Variants in CDH13 observed in about 807,000 individuals in gnomAD.
CDH13 encodes cadherin 13.
In CDH13, 24 loss-of-function variants were observed where a neutral mutation model predicts 63.8. The ratio of observed to expected loss-of-function variants is 0.38; its 90% CI spans 0.27 to 0.53. CDH13 has a LOEUF of 0.53. Among genes scored for constraint, CDH13 ranks in the 20% least tolerant of loss-of-function variants. The pLI is 0.85. For synonymous variants in CDH13, 503 were observed against 355.3 expected (o/e 1.42, Z -4.67); for missense variants, 1,049 against 903.1 (o/e 1.16, Z -2.07).
intron 6 of CDH13, among the ~76,000 whole-genome samples, chr16:83,472,740 A>T (rs975023269): frequency 6.6e-6 from 1 of 152,172 alleles, no homozygotes; most frequent in African/African-American, 2.4e-5. Context: ...AATGAAACAG[A>T]TTATTCATAC....
intron 1 of CDH13, among the ~76,000 whole-genome samples, chr16:82,742,878 T>A (rs953206186): frequency 2.0e-5 from 3 of 152,198 alleles, no homozygotes; most frequent in Admixed American, 2.0e-4. Flanking sequence ...ATGAGTCCAT[T>A]AAAAACAAAT....
intron 3 of CDH13, among the ~76,000 whole-genome samples, chr16:83,119,695 A>G (rs750947671): frequency 1.1e-4 from 17 of 152,206 alleles, no homozygotes; most frequent in Non-Finnish European, 2.2e-4. Context: ...GACAGATGCA[A>G]GTACACCACA....
Position 83,503,322 on chromosome 16 carries a change from G to C in CDH13, c.960+16667G>C, listed in dbSNP as rs185363411. On this transcript the variant is annotated intron_variant, in intron 7 of 13. Coordinates refer to ENST00000567109, the MANE Select transcript of CDH13 (RefSeq NM_001257.5). ...CTATGAAGCTGATTAGGAAAGCCTTGAGTTTGTACCCAAATAAATTTGCTA... is the reference window on the plus strand; with the variant it reads ...CTATGAAGCTGATTAGGAAAGCCTTCAGTTTGTACCCAAATAAATTTGCTA... 5.9e-5 allele frequency among the ~76,000 whole-genome samples: 9 copies of C among 152,300 alleles called. No homozygotes were observed. The East Asian group carries it at 1.7e-3, about 29-fold the overall frequency.
chr16:83,359,730 G>A (rs986512698), intron 6 of CDH13, among the ~76,000 whole-genome samples: 7 of 152,194 alleles, frequency 4.6e-5, no homozygotes, highest in African/African-American at 1.7e-4. Flanking sequence ...TCACAAATTT[G>A]CAATTTCAGA....
intron 6 of CDH13, among the ~76,000 whole-genome samples, chr16:83,347,298 C>G (rs1229376194): frequency 6.6e-6 from 1 of 150,498 alleles, no homozygotes; most frequent in Non-Finnish European, 1.5e-5. Context: ...CTCATAGGAT[C>G]CCATGTGTTG....
intron 7 of CDH13, among the ~76,000 whole-genome samples, chr16:83,514,430 G>T (rs1041963075): frequency 6.6e-6 from 1 of 152,220 alleles, no homozygotes; most frequent in Non-Finnish European, 1.5e-5. Flanking sequence ...GATCACCTGA[G>T]TTCAGAAGTT....
intron 8 of CDH13, among the ~76,000 whole-genome samples, chr16:83,669,840 C>A (rs575361351): frequency 9.8e-5 from 15 of 152,288 alleles, no homozygotes; most frequent in African/African-American, 3.4e-4. Flanking sequence ...TTTTTGTCAG[C>A]TTATTGGTGT....
At chr16:83,471,315 C>G (rs1223411588) in intron 6 of CDH13, among the ~76,000 whole-genome samples, 1 of 140,930 alleles carries the variant, frequency 7.1e-6, no homozygotes, top group Admixed American at 7.5e-5. Flanking sequence ...TACTCTGTCA[C>G]CCAGGCTGGA....
chr16:82,987,361 T>TTTTGTTTG lies in CDH13; in HGVS notation c.158-44633_158-44626dup, dbSNP rs200643952. 5.4e-3 allele frequency among the ~76,000 whole-genome samples: 824 copies of TTTTGTTTG among 151,976 alleles called. 1 individual carries two copies. The highest frequency in any genetic ancestry group is 0.017 in the Middle Eastern group (5 of 292). ...ATCAGCCAATTTTTGTTTTGTTTTG[T>TTTTGTTTG]TTTGTTTGTTTGTTTGTTTGTTTTT... On this transcript the variant is annotated intron_variant, in intron 2 of 13. Coordinates refer to ENST00000567109, the MANE Select transcript of CDH13 (RefSeq NM_001257.5).
intron 1 of CDH13, among the ~76,000 whole-genome samples, chr16:82,739,884 C>T (rs139529443): frequency 2.4e-4 from 37 of 152,260 alleles, no homozygotes; most frequent in African/African-American, 7.5e-4. Context: ...CTTTGCCCTG[C>T]AAAGATACTT....
At chr16:83,772,039 G>A (rs1181614264) in intron 11 of CDH13, among the ~76,000 whole-genome samples, 3 of 152,164 alleles carry the variant, frequency 2.0e-5, no homozygotes, top group Admixed American at 1.3e-4. Context: ...CCAACACAAT[G>A]TACACTCTGT....
chr16:83,572,178 GTGTGTGT>G (rs1904695179), intron 7 of CDH13, among the ~76,000 whole-genome samples: 3 of 56,072 alleles, frequency 5.4e-5, no homozygotes, highest in South Asian at 4.4e-4. Context: ...TTCCTGTGGT[GTGTGTGT>G]GTGTGTGTGT....
At chr16:83,368,887 TATATATATATA>T (rs1567622068) in intron 6 of CDH13, among the ~76,000 whole-genome samples, 4,137 of 37,948 alleles carry the variant, frequency 0.11, 648 homozygotes, top group South Asian at 0.19. Flanking sequence ...TTCCATGTTA[TATATATATATA>T]TATATATATA....
intron 5 of CDH13, among the ~76,000 whole-genome samples, chr16:83,279,258 T>C (rs1014187998): frequency 1.3e-5 from 2 of 152,198 alleles, no homozygotes; most frequent in African/African-American, 4.8e-5. Flanking sequence ...GCTGTTTTTA[T>C]AGATCTGAAG....
intron 5 of CDH13, among the ~76,000 whole-genome samples, chr16:83,284,091 C>G (rs1043184976): frequency 6.6e-6 from 1 of 152,200 alleles, no homozygotes; most frequent in Non-Finnish European, 1.5e-5. Context: ...CAGTAGTTAG[C>G]TTCACAGACA....
intron 2 of CDH13, among the ~76,000 whole-genome samples, chr16:82,966,294 G>A (rs577749736): frequency 4.6e-5 from 7 of 151,988 alleles, no homozygotes; most frequent in Admixed American, 2.6e-4. Flanking sequence ...GACTACAGGC[G>A]CCCGCCACCA....
intron 3 of CDH13, among the ~76,000 whole-genome samples, chr16:83,067,565 C>T (rs2032112523): frequency 6.6e-6 from 1 of 152,174 alleles, no homozygotes; most frequent in Non-Finnish European, 1.5e-5. Context: ...TTACAACCTC[C>T]ACAAACTAAG....
chr16:83,779,979 G>T lies in CDH13; in HGVS notation c.1693G>T (p.Ala565Ser), dbSNP rs190049290. ...FLAIDSGNPP[A>S]TGTGTLLITL... ...CCTTTTTCCCACAGGCAACCCTCCC[G>T]CTACGGGCACTGGGACTTTGCTGAT... The change falls in exon 12 of 14, where the codon GCT becomes TCT. Residue 565 changes from alanine to serine, a missense_variant. By Grantham distance (99) the Ala-to-Ser change is moderately conservative (BLOSUM62 1). Transcript: ENST00000567109. 341 of 1,607,846 alleles carry T rather than the reference G, an allele frequency of 2.1e-4. 1 individual carries two copies. The highest frequency in any genetic ancestry group is 5.0e-4 in the Middle Eastern group (3 of 6,046).
chr16:83,369,245 C>G (rs950664552), intron 6 of CDH13, among the ~76,000 whole-genome samples: 6 of 151,778 alleles, frequency 4.0e-5, no homozygotes, highest in African/African-American at 1.5e-4. Context: ...ACTTTTTACA[C>G]TGTTGGTGGG....
Sources: gnomAD v4.1 joint callset for allele counts (sites outside exome capture counted in the v4.1 genomes callset) on GRCh38, gnomAD v4.1.1 for gene constraint, MANE v1.5 for transcripts, NCBI Gene and HGNC (gene_info 2026-07-23, HGNC 2026-07-21) for gene names.